The following DRGX variants were observed in gnomAD, a reference collection of about 807,000 sequenced individuals.
DRGX encodes the protein dorsal root ganglia homeobox, also known as dorsal root ganglia homeobox protein.
Under a neutral mutation model 28.6 loss-of-function variants are expected in DRGX, and 21 were observed. That is an observed-to-expected ratio of 0.73 (90% CI 0.52 to 1.06). The LOEUF is 1.06. Among genes scored for constraint, DRGX ranks in the 50% least tolerant of loss-of-function variants. The pLI, the probability that DRGX is intolerant of heterozygous loss-of-function variation, is 0.00. For synonymous variants in DRGX, 136 were observed against 139.1 expected (o/e 0.98, Z 0.16); for missense variants, 354 against 343.9 (o/e 1.03, Z -0.23).
intron 4 of DRGX, among the ~76,000 whole-genome samples, chr10:49,387,968 G>C (rs965421784): frequency 6.6e-6 from 1 of 152,192 alleles, no homozygotes. Context: ...CATAAGCCTT[G>C]TTAGGAAGAT....
At chr10:49,370,026 C>T (rs989582355) in intron 6 of DRGX, among the ~76,000 whole-genome samples, 20 of 152,106 alleles carry the variant, frequency 1.3e-4, no homozygotes, top group African/African-American at 4.6e-4. Context: ...ACACGTCCCT[C>T]CAGCTCTTGA....
intron 6 of DRGX, among the ~76,000 whole-genome samples, chr10:49,376,631 G>A (rs961648710): frequency 6.6e-6 from 1 of 152,216 alleles, no homozygotes; most frequent in African/African-American, 2.4e-5. Context: ...ATTTGGATGT[G>A]CCAGATGCAT....
In DRGX at chr10:49,384,813, C is replaced by G. The variant is rs550658939; in HGVS notation, c.526+1665G>C. 2.0e-5 allele frequency among the ~76,000 whole-genome samples: 3 copies of G among 152,336 alleles called. No individual in the cohort carries two copies. The South Asian group carries it at 6.2e-4, about 32-fold the overall frequency. On this transcript the variant is annotated intron_variant, in intron 6 of 6. Transcript: ENST00000374139. ...CCTGGCTGCAGTCTAGTCCTCAAGC[C>G]CCCTTCAGCCACTGCTGGCGTCCAA... is the stretch of plus-strand genomic sequence containing the variant.
At chr10:49,391,036 A>G (rs1415275148) in intron 3 of DRGX, 128 bp downstream of exon 3, 24 of 1,090,388 alleles carry the variant, frequency 2.2e-5, no homozygotes, top group Non-Finnish European at 3.1e-5. Context: ...AAGTTGTTCA[A>G]GAAAACAGAA....
chr10:49,368,643 G>T (rs1186661531), intron 6 of DRGX, among the ~76,000 whole-genome samples: 2 of 152,234 alleles, frequency 1.3e-5, no homozygotes, highest in East Asian at 3.8e-4. Context: ...CTTCCTCCAA[G>T]TCTTCCTGCC....
rs975973803 is a variant in DRGX, at chr10:49,365,663, C to T, written c.*453G>A. On this transcript the variant is annotated 3_prime_UTR_variant, in exon 7 of 7. Transcript: ENST00000374139. ...GAGCAAGAGTCGCTTGGGGTTCCAC[C>T]AGTTCCCCAGTTCTTAAACACTGTA... 3.8e-5 allele frequency: 6 copies of T among 155,938 alleles called. No homozygotes were observed. Among genetic ancestry groups the T allele is most frequent in the African/African-American group, 1.4e-4 (6 of 41,658 alleles). 9.7% of individuals were successfully genotyped at this position (155,938 alleles called of 1,614,324 possible).
At chr10:49,379,972 G>A (rs988923075) in intron 6 of DRGX, among the ~76,000 whole-genome samples, 1 of 152,236 alleles carries the variant, frequency 6.6e-6, no homozygotes. Flanking sequence ...AGGGGATGAG[G>A]AGGAAGGCAA....
intron 3 of DRGX, among the ~76,000 whole-genome samples, 178 bp downstream of exon 3, chr10:49,390,986 G>C (rs1005031280): frequency 6.6e-6 from 1 of 152,202 alleles, no homozygotes; most frequent in Non-Finnish European, 1.5e-5. Flanking sequence ...CAAGGTTAGC[G>C]TCATCTGCAT....
intron 6 of DRGX, among the ~76,000 whole-genome samples, chr10:49,374,412 G>A (rs1318896761): frequency 3.3e-5 from 5 of 152,030 alleles, no homozygotes; most frequent in Non-Finnish European, 1.5e-5. Context: ...GTCCCTTCCT[G>A]CCTGCTCCCA....
chr10:49,375,393 C>T (rs1849705806), intron 6 of DRGX, among the ~76,000 whole-genome samples: 1 of 152,142 alleles, frequency 6.6e-6, no homozygotes, highest in African/African-American at 2.4e-5. Context: ...CTTTCTTGAC[C>T]GAGTTGGCAC....
intron 1 of DRGX, 87 bp from the exon 2 acceptor site, chr10:49,395,608 G>A (rs771315902): frequency 5.2e-6 from 4 of 769,224 alleles, no homozygotes; most frequent in Admixed American, 2.3e-5. Context: ...CTCCCCTCCT[G>A]GAAAGTCCCT....
chr10:49,381,504 C>T (rs753733564), intron 6 of DRGX, among the ~76,000 whole-genome samples: 2 of 152,252 alleles, frequency 1.3e-5, no homozygotes, highest in Non-Finnish European at 2.9e-5. Context: ...TGCTAGCATC[C>T]CCAGCTCTCT....
At chr10:49,370,583 A>T (rs1044400608) in intron 6 of DRGX, among the ~76,000 whole-genome samples, 2 of 152,248 alleles carry the variant, frequency 1.3e-5, no homozygotes, top group African/African-American at 4.8e-5. Context: ...AGCCCTGGCC[A>T]TCTGAAGGGA....
intron 6 of DRGX, among the ~76,000 whole-genome samples, chr10:49,381,098 C>T (rs900809475): frequency 2.0e-5 from 3 of 152,252 alleles, no homozygotes; most frequent in African/African-American, 7.2e-5. Context: ...CCAGCAGGCC[C>T]TTGCTGGAAG....
At chr10:49,373,634 C>A (rs1046184499) in intron 6 of DRGX, among the ~76,000 whole-genome samples, 23 of 152,194 alleles carry the variant, frequency 1.5e-4, no homozygotes, top group African/African-American at 5.1e-4. Flanking sequence ...CAACAAGATA[C>A]CATCTATGAA....
rs1849574656 is a variant in DRGX, at chr10:49,364,328, A to C, written c.*1788T>G. On this transcript the variant is annotated 3_prime_UTR_variant, in exon 7 of 7. Coordinates refer to ENST00000374139, the MANE Select transcript of DRGX (RefSeq NM_001276451.2). ...AATTTCTTATCAATTATTCATGCTA[A>C]TGTGTGTGTAGTTTACTTAATTGTG... 1 of 152,186 alleles carries C rather than the reference A, an allele frequency of 6.6e-6. No homozygotes were observed. The highest frequency in any genetic ancestry group is 1.5e-5 in the Non-Finnish European group (1 of 68,038). The allele number at this position is 152,186 out of a possible 1,614,324, so 9.4% of individuals were successfully genotyped here. A position where few individuals can be genotyped will look rare whatever the true frequency, so the allele number is the denominator to read the frequency against.
chr10:49,395,602 C>T (rs1361385002), intron 1 of DRGX, 81 bp from the exon 2 acceptor site: 2 of 825,186 alleles, frequency 2.4e-6, no homozygotes, highest in East Asian at 5.3e-5. Flanking sequence ...CCGGCGCTCC[C>T]CTCCTGGAAA....
rs1011965592 is a variant in DRGX, at chr10:49,364,092, T to C, written c.*2024A>G. On this transcript the variant is annotated 3_prime_UTR_variant, in exon 7 of 7. Transcript: ENST00000374139. ...TTGTTTTAACTCCTCTAAATTTATT[T>C]GGGTATTTAAACAAACAGAAACTAC... The C allele has an allele frequency of 1.3e-5, 2 of 152,226 alleles. No homozygotes were observed. The highest frequency in any genetic ancestry group is 6.5e-5 in the Admixed American group (1 of 15,286). 9.4% of individuals were successfully genotyped at this position (152,226 alleles called of 1,614,324 possible). A position where few individuals can be genotyped will look rare whatever the true frequency, so the allele number is the denominator to read the frequency against.
chr10:49,366,845 G>A (rs1049264325), intron 6 of DRGX, among the ~76,000 whole-genome samples: 4 of 152,244 alleles, frequency 2.6e-5, no homozygotes, highest in African/African-American at 4.8e-5. Flanking sequence ...CGGGCAAGCT[G>A]CTGGCTGCAG....
Sources: gnomAD v4.1 joint callset for allele counts (sites outside exome capture counted in the v4.1 genomes callset) on GRCh38, gnomAD v4.1.1 for gene constraint, MANE v1.5 for transcripts, NCBI Gene and HGNC (gene_info 2026-07-23, HGNC 2026-07-21) for gene names.